ASNSD1: variants seen among roughly 807,000 people sequenced by gnomAD.
The protein encoded by ASNSD1 is asparagine synthetase domain containing 1, also known as asparagine synthetase domain-containing protein 1.
ASNSD1 carries 36 observed loss-of-function variants against 48.3 expected under a neutral mutation model. The observed-to-expected ratio is 0.75, with a 90% confidence interval of 0.57 to 0.99. The LOEUF is 0.99. Among genes scored for constraint, ASNSD1 ranks in the 50% least tolerant of loss-of-function variants. The probability of loss-of-function intolerance (pLI) is 0.00; values close to 1 mark genes in which losing one functional copy is unlikely to be tolerated. For synonymous variants in ASNSD1, 257 were observed against 262.1 expected (o/e 0.98, Z 0.19); for missense variants, 714 against 758.2 (o/e 0.94, Z 0.69).
intron 3 of ASNSD1, among the ~76,000 whole-genome samples, 159 bp downstream of exon 3, chr2:189,665,610 A>ATG (rs1262345933): frequency 4.9e-5 from 1 of 20,232 alleles, no homozygotes; most frequent in Non-Finnish European, 1.8e-4. Context: ...ATATATATAT[A>ATG]TATATATATA....
At position 189,667,865 on chromosome 2, in the gene ASNSD1, A is replaced by G. The variant is rs2032849866; in HGVS notation, c.1566A>G (p.Ile522Met). 2 of 1,614,110 alleles carry G rather than the reference A, an allele frequency of 1.2e-6. No individual in the cohort carries two copies. Among genetic ancestry groups the G allele is most frequent in the Non-Finnish European group, 1.7e-6 (2 of 1,179,998 alleles). Residue 522 changes from isoleucine (I) to methionine (M), a missense_variant, in exon 5 of 6, where the codon ATA (isoleucine) becomes ATG (methionine). By Grantham distance (10) the Ile-to-Met change is conservative. Transcript: ENST00000260952. ...GGCTGGAAGGATTGAATAAGGAAAT[A>G]ATGATGGAACTGGGTCGAATTTCTT... The part of the protein sequence containing the change: ...SHGLEGLNKE[I>M]MMELGRISSR...
At chr2:189,664,317 G>A (rs1229651334) in intron 2 of ASNSD1, among the ~76,000 whole-genome samples, 4 of 152,030 alleles carry the variant, frequency 2.6e-5, no homozygotes, top group African/African-American at 2.4e-5. Flanking sequence ...AAATGAATGT[G>A]GATAATTATT....
chr2:189,667,219 A>G lies in ASNSD1; in HGVS notation c.1087A>G (p.Met363Val), dbSNP rs2032828438. 8 of 1,614,192 alleles carry G rather than the reference A, an allele frequency of 5.0e-6. No individual in the cohort carries two copies. The highest frequency in any genetic ancestry group is 1.3e-5 in the African/African-American group (1 of 75,064). ...AGCTTTCATAGCTGAAGAAAAGACCATGCCAACTACCTTTAACAGAGAAGG... is the reference window on the plus strand; with the variant it reads ...AGCTTTCATAGCTGAAGAAAAGACCGTGCCAACTACCTTTAACAGAGAAGG... ...NVAFIAEEKT[M>V]PTTFNREGNK... Residue 363 changes from methionine (M) to valine (V), a missense_variant, in exon 4 of 6, where the codon ATG becomes GTG. Physicochemically the swap from Met to Val is conservative, Grantham distance 21. Transcript: ENST00000260952.
At chr2:189,667,976 T>C (rs2032852470) in intron 5 of ASNSD1, 31 bp downstream of exon 5, 1 of 1,572,594 alleles carries the variant, frequency 6.4e-7, no homozygotes, top group Non-Finnish European at 8.6e-7. Context: ...GTTCTTACGG[T>C]ATTTTTATAA....
At chr2:189,667,720 T>A (rs747123368) in intron 4 of ASNSD1, 44 bp from the exon 5 acceptor site, 1 of 1,567,610 alleles carries the variant, frequency 6.4e-7, no homozygotes, top group Non-Finnish European at 8.6e-7. Flanking sequence ...TTCTTTACTG[T>A]GTAGTTGATA....
chr2:189,670,340 T>C, intron 5 of ASNSD1, 101 bp from the exon 6 acceptor site: 13 of 935,810 alleles, frequency 1.4e-5, no homozygotes, highest in Admixed American at 2.9e-5. Context: ...ATTAGTCATG[T>C]TGTGAAACAA....
chr2:189,664,338 G>A (rs1441951878), intron 2 of ASNSD1, among the ~76,000 whole-genome samples: 1 of 152,112 alleles, frequency 6.6e-6, no homozygotes, highest in South Asian at 2.1e-4. Context: ...GAACAAAAAA[G>A]GATACATTGC....
rs1343934031 is a variant in ASNSD1 at position 189,661,568 on chromosome 2, C to G, written c.-265C>G. 1.5e-5 allele frequency: 6 copies of G among 399,168 alleles called. No individual in the cohort carries two copies. The highest frequency in any genetic ancestry group is 8.8e-5 in the Admixed American group (2 of 22,718). The allele number at this position is 399,168 out of a possible 1,614,324, so 24.7% of individuals were successfully genotyped here. Reference sequence around the variant, plus strand: ...CAGAGGACAGCTCTGTGCTGATCCCCACCGACAATTCGACCCCACACAAGG... The same window carrying G: ...CAGAGGACAGCTCTGTGCTGATCCCGACCGACAATTCGACCCCACACAAGG... On this transcript the variant is annotated 5_prime_UTR_variant, in exon 1 of 6. Coordinates refer to ENST00000260952, the MANE Select transcript of ASNSD1 (RefSeq NM_019048.4).
chr2:189,662,023 C>A (rs1015535844), intron 1 of ASNSD1, among the ~76,000 whole-genome samples: 1 of 152,208 alleles, frequency 6.6e-6, no homozygotes, highest in African/African-American at 2.4e-5. Context: ...AAGCTCATTT[C>A]AAATATGTCC....
chr2:189,665,604 A>ATATATATG (rs2032774182), intron 3 of ASNSD1, among the ~76,000 whole-genome samples, 153 bp downstream of exon 3: 1 of 8,234 alleles, frequency 1.2e-4, no homozygotes, highest in East Asian at 5.6e-3. Flanking sequence ...ATGTGTATAT[A>ATATATATG]TATATATATA....
In ASNSD1 at chr2:189,667,527, G is replaced by T. The variant is rs765721551; in HGVS notation, c.1395G>T (p.Trp465Cys). 2 of 1,614,140 alleles carry T rather than the reference G, an allele frequency of 1.2e-6. No individual in the cohort carries two copies. The highest frequency in any genetic ancestry group is 3.3e-5 in the Admixed American group (2 of 60,022). Residue 465 changes from tryptophan to cysteine, a missense_variant, in exon 4 of 6, where the codon TGG (tryptophan) becomes TGT (cysteine). By Grantham distance (215) the Trp-to-Cys change is radical (BLOSUM62 -2). Coordinates refer to ENST00000260952, the MANE Select transcript of ASNSD1 (RefSeq NM_019048.4). The part of the protein sequence containing the change: ...VLDDSIGCAV[W>C]FASRGIGWLV... ...ATGATAGCATTGGCTGTGCAGTCTG[G>T]TTTGCTTCTAGAGGAATTGGTTGGT...
Position 189,669,907 on chromosome 2 carries a change from T to G in ASNSD1, c.1647-534T>G, listed in dbSNP as rs78266903. The stretch of plus-strand genomic sequence containing the variant: ...GAGTAACAAAATTTTACCATAAGTG[T>G]TTTGCAGGTTCAGGACTGTGGAGCC... On this transcript the variant is annotated intron_variant, in intron 5 of 5. Transcript: ENST00000260952. Among the ~76,000 whole-genome samples the G allele has an allele frequency of 4.7e-4, 72 of 152,282 alleles. 1 individual carries two copies. The highest frequency in any genetic ancestry group is 1.7e-3 in the African/African-American group (71 of 41,564).
chr2:189,662,541 G>A (rs543538344), intron 1 of ASNSD1, among the ~76,000 whole-genome samples: 1 of 152,256 alleles, frequency 6.6e-6, no homozygotes, highest in East Asian at 1.9e-4. Flanking sequence ...GGGGGAGACA[G>A]AAAGGTGCAC....
At chr2:189,668,795 C>G (rs1032624792) in intron 5 of ASNSD1, among the ~76,000 whole-genome samples, 2 of 152,228 alleles carry the variant, frequency 1.3e-5, no homozygotes, top group African/African-American at 2.4e-5. Flanking sequence ...GAAACCAAGG[C>G]ACTTTCATGT....
rs184959855 is a variant in ASNSD1 at position 189,663,166 on chromosome 2, T to G, written c.-222-735T>G. Among the ~76,000 whole-genome samples, 170 of 151,996 alleles carry G rather than the reference T, an allele frequency of 1.1e-3. 1 individual carries two copies. In the Middle Eastern group the frequency reaches 0.031, roughly 27 times the overall value. On this transcript the variant is annotated intron_variant, in intron 1 of 5. Transcript: ENST00000260952. ...ACCCCTCATTCAATTTGCTTTTTTT[T>G]AAATCTAAATCACAACTTAATTTTC...
At chr2:189,668,158 C>G (rs112966224) in intron 5 of ASNSD1, among the ~76,000 whole-genome samples, 1 of 152,160 alleles carries the variant, frequency 6.6e-6, no homozygotes, top group Admixed American at 6.5e-5. Context: ...TAAGAAATGT[C>G]TTTTCAGTAA....
chr2:189,667,114 G>A lies in ASNSD1; in HGVS notation c.982G>A (p.Gly328Arg), dbSNP rs757657075. ...RKANVAILFS[G>R]GIDSMVIATL... The stretch of plus-strand genomic sequence containing the variant: ...AGCAAATGTTGCAATCCTGTTTTCT[G>A]GGGGCATTGATTCCATGGTTATTGC... The change falls in exon 4 of 6, where the codon GGG (glycine) becomes AGG (arginine). Residue 328 changes from glycine to arginine, a missense_variant. By Grantham distance (125) the Gly-to-Arg change is moderately radical. Coordinates refer to ENST00000260952, the MANE Select transcript of ASNSD1 (RefSeq NM_019048.4). 2 of 1,614,136 alleles carry A rather than the reference G, an allele frequency of 1.2e-6. No individual in the cohort carries two copies. The highest frequency in any genetic ancestry group is 1.7e-6 in the Non-Finnish European group (2 of 1,180,012).
chr2:189,664,102 G>C (rs2032733623), intron 2 of ASNSD1, 148 bp downstream of exon 2: 1 of 327,644 alleles, frequency 3.1e-6, no homozygotes, highest in Non-Finnish European at 5.5e-6. Flanking sequence ...CAAGTGTCTA[G>C]ATTCTTTTTT....
chr2:189,666,303 G>A lies in ASNSD1; in HGVS notation c.171G>A (p.Arg57=). The part of the protein sequence containing the change: ...CLFSAHVLHL[R]GVLTTQPVED... ...TTTCTGCTCACGTCCTACACTTGAGGGGTGTTTTGACTACCCAGCCTGTGG... is the reference window on the plus strand; with the variant it reads ...TTTCTGCTCACGTCCTACACTTGAGAGGTGTTTTGACTACCCAGCCTGTGG... Residue 57 remains arginine (R), a synonymous_variant, in exon 4 of 6, where the codon AGG becomes AGA. Coordinates refer to ENST00000260952, the MANE Select transcript of ASNSD1 (RefSeq NM_019048.4). 6.2e-7 allele frequency: 1 copy of A among 1,613,984 alleles called. No individual in the cohort carries two copies. The highest frequency in any genetic ancestry group is 8.5e-7 in the Non-Finnish European group (1 of 1,179,948).
Sources: allele counts gnomAD v4.1 joint callset (sites outside exome capture counted in the v4.1 genomes callset), GRCh38; gene constraint gnomAD v4.1.1; transcripts MANE v1.5; gene names NCBI Gene and HGNC (gene_info 2026-07-23, HGNC 2026-07-21).